The following NFATC4 variants were observed in gnomAD, a reference collection of about 807,000 sequenced individuals.
NFATC4 encodes nuclear factor of activated T cells 4.
NFATC4 carries 25 observed loss-of-function variants against 73.4 expected under a neutral mutation model. The ratio of observed to expected loss-of-function variants is 0.34; its 90% confidence interval spans 0.25 to 0.48. NFATC4 has a LOEUF of 0.48. Among genes scored for constraint, NFATC4 ranks in the 20% least tolerant of loss-of-function variants. The probability of loss-of-function intolerance (pLI) is 0.99; values close to 1 mark genes in which losing one functional copy is unlikely to be tolerated. For synonymous variants in NFATC4, 523 were observed against 510.3 expected, an observed-to-expected ratio of 1.02 and a Z score of -0.34; for missense variants, 1,130 against 1,203.7, an observed-to-expected ratio of 0.94 and a Z score of 0.91.
chr14:24,369,267 G>A (rs756780559), intron 1 of NFATC4: 1 of 1,543,166 alleles, frequency 6.5e-7, no homozygotes, highest in Admixed American at 1.9e-5. Context: ...ACTGGATCGG[G>A]TACCCTCGGT....
chr14:24,375,585 G>A, intron 6 of NFATC4, 75 bp from the exon 7 acceptor site: 1 of 1,509,228 alleles, frequency 6.6e-7, no homozygotes, highest in Non-Finnish European at 9.0e-7. Context: ...CTAACAGGAG[G>A]GGAAATGGCA....
Position 24,376,258 on chromosome 14 carries a change from C to T in NFATC4, c.2057-36C>T, listed in dbSNP as rs1326008922. 6.4e-7 allele frequency: 1 copy of T among 1,558,490 alleles called. No individual in the cohort carries two copies. Among genetic ancestry groups the T allele is most frequent in the Non-Finnish European group, 8.7e-7 (1 of 1,152,008 alleles). On this transcript the variant is annotated intron_variant, in intron 8 of 9. Coordinates refer to ENST00000250373, the MANE Select transcript of NFATC4 (RefSeq NM_004554.5). This position sits in a 1 kb window ranked among gnomAD's most constrained non-coding sequence, Gnocchi z 5.0. ...GTGCAGTGGGGAGACTACCAGACCT[C>T]TCACCAGCATGTCCTCCCACTTCCT...
In NFATC4 at chr14:24,369,561, G is replaced by C. The variant is rs1428728032; in HGVS notation, c.163G>C (p.Gly55Arg). 1 of 1,609,990 alleles carries C rather than the reference G, an allele frequency of 6.2e-7. No homozygotes were observed. Residue 55 changes from glycine to arginine, a missense_variant, in exon 2 of 10, where the codon GGC becomes CGC. Physicochemically the swap from Gly to Arg is moderately radical, Grantham distance 125 (BLOSUM62 -2). This residue lies in a region of NFATC4 where 585 missense variants were observed against 574.3 expected (regional missense o/e 1.02). Transcript: ENST00000250373. ...RLALGEPPPYGAAPIGIPRPP... is the reference protein window; with the variant it reads ...RLALGEPPPYRAAPIGIPRPP... ...GGCCTTGGGAGAGCCCCCTCCCTAT[G>C]GCGCTGCACCTATCGGTATTCCCCG...
Position 24,376,332 on chromosome 14 carries a change from C to A in NFATC4, c.2095C>A (p.Arg699=), listed in dbSNP as rs149129975. 1 of 1,599,038 alleles carries A rather than the reference C, an allele frequency of 6.3e-7. No individual in the cohort carries two copies. Among genetic ancestry groups the A allele is most frequent in the Non-Finnish European group, 8.5e-7 (1 of 1,172,538 alleles). ...GGAGCCCCTACCGGACTCATCTCTGCGGGGTTTCCCTTCAGCATCGGCAAC... is the reference window on the plus strand; with the variant it reads ...GGAGCCCCTACCGGACTCATCTCTGAGGGGTTTCCCTTCAGCATCGGCAAC... The part of the protein sequence containing the change: ...KEEPLPDSSL[R]GFPSASATPF... Residue 699 remains arginine (R), a synonymous_variant, in exon 9 of 10, where the codon CGG becomes AGG. Transcript: ENST00000250373. The surrounding 1 kb of genome is among the most constrained non-coding windows in gnomAD (Gnocchi z 5.0).
At chr14:24,369,354 GCTTTTGT>G (rs775006255) in intron 1 of NFATC4, 138 bp from the exon 2 acceptor site, 1 of 1,599,116 alleles carries the variant, frequency 6.3e-7, no homozygotes, top group South Asian at 1.1e-5. Flanking sequence ...GTCCAACTCT[GCTTTTGT>G]CTTGTGGCTC....
rs2042602724 is a variant in NFATC4, at chr14:24,375,987, C to T, written c.1942C>T (p.Leu648=). The T allele has an allele frequency of 6.2e-7, 1 of 1,613,918 alleles. No individual in the cohort carries two copies. The highest frequency in any genetic ancestry group is 8.5e-7 in the Non-Finnish European group (1 of 1,179,982). The change falls in exon 8 of 10, where the codon CTG becomes TTG. Residue 648 remains leucine (L), a synonymous_variant. Transcript: ENST00000250373. ...TACTCTTCCCTAGGTGACGCTGACC[C>T]TGACTGTCCCCGAGTACAGCAACAA... ...RLQSNEVTLT[L]TVPEYSNKRV...
chr14:24,369,131 G>A, intron 1 of NFATC4: 2 of 1,440,600 alleles, frequency 1.4e-6, no homozygotes, highest in Non-Finnish European at 1.8e-6. Context: ...TGGGGGTTTG[G>A]GAACCGCTGC....
chr14:24,370,087 C>T lies in NFATC4; in HGVS notation c.689C>T (p.Pro230Leu). 6.2e-7 allele frequency: 1 copy of T among 1,604,962 alleles called. No individual in the cohort carries two copies. The highest frequency in any genetic ancestry group is 8.5e-7 in the Non-Finnish European group (1 of 1,179,792). ...CCTCGGCCATGGACCCCCGAAGATC[C>T]CTGGAGCCTGTATGGTCCAAGCCCC... is the stretch of plus-strand genomic sequence containing the variant. ...ASPRPWTPED[P>L]WSLYGPSPGG... is the part of the protein sequence containing the mutation. Residue 230 changes from proline to leucine, a missense_variant, in exon 2 of 10, where the codon CCC (proline) becomes CTC (leucine). This residue lies in a region of NFATC4 where 585 missense variants were observed against 574.3 expected (regional missense o/e 1.02). Transcript: ENST00000250373.
chr14:24,376,133 T>C lies in NFATC4; in HGVS notation c.2056+32T>C. The C allele has an allele frequency of 6.2e-7, 1 of 1,613,528 alleles. No individual in the cohort carries two copies. Among genetic ancestry groups the C allele is most frequent in the Non-Finnish European group, 8.5e-7 (1 of 1,179,728 alleles). On this transcript the variant is annotated intron_variant, in intron 8 of 9. Coordinates refer to ENST00000250373, the MANE Select transcript of NFATC4 (RefSeq NM_004554.5). The surrounding 1 kb of genome is among the most constrained non-coding windows in gnomAD (Gnocchi z 5.0). ...TCTGGGACAGCCCATGGTGGGGGTA[T>C]AGGGATATGGGGAGCTGGAGCAGGA...
chr14:24,369,017 G>C, intron 1 of NFATC4: 1 of 1,267,504 alleles, frequency 7.9e-7, no homozygotes, highest in South Asian at 1.8e-5. Flanking sequence ...CCTAGATGGC[G>C]AGGAGAGAGG....
rs187429426 is a variant in NFATC4 at position 24,376,525 on chromosome 14, G to A, written c.2288G>A (p.Arg763Gln). 1.1e-4 allele frequency: 183 copies of A among 1,613,956 alleles called. No individual in the cohort carries two copies. The highest frequency in any genetic ancestry group is 2.3e-4 in the African/African-American group (17 of 74,980). ...GPPPSYRPGLRMFPETRGTTG... is the reference protein window; with the variant it reads ...GPPPSYRPGLQMFPETRGTTG... Reference sequence around the variant, plus strand: ...CCACCATCCTACAGACCGGGCCTGCGGATGTTCCCTGAGACTAGGGGTACC... The same window carrying A: ...CCACCATCCTACAGACCGGGCCTGCAGATGTTCCCTGAGACTAGGGGTACC... Residue 763 changes from arginine to glutamine, a missense_variant, in exon 9 of 10, where the codon CGG (arginine) becomes CAG (glutamine). Arg to Gln is a conservative substitution (Grantham distance 43, BLOSUM62 1). Coordinates refer to ENST00000250373, the MANE Select transcript of NFATC4 (RefSeq NM_004554.5). This position sits in a 1 kb window ranked among gnomAD's most constrained non-coding sequence, Gnocchi z 5.0.
chr14:24,376,488 C>G lies in NFATC4; in HGVS notation c.2251C>G (p.Gln751Glu), dbSNP rs374429320. 2.5e-6 allele frequency: 4 copies of G among 1,613,578 alleles called. No homozygotes were observed. The African/African-American group carries it at 5.3e-5, about 22-fold the overall frequency. ...CTATGGCATGCCCCCTCTGTACCCC[C>G]AGACGGGGCCCCCACCATCCTACAG... ...FGYGMPPLYP[Q>E]TGPPPSYRPG... is the part of the protein sequence containing the mutation. The change falls in exon 9 of 10, where the codon CAG becomes GAG. Residue 751 changes from glutamine (Q) to glutamate (E), a missense_variant. Physicochemically the swap from Gln to Glu is conservative, Grantham distance 29. Around this residue, in one of 3 missense-constraint regions of NFATC4, gnomAD observed 390 missense variants for 408.1 expected, o/e 0.96. Transcript: ENST00000250373. The surrounding 1 kb of genome is among the most constrained non-coding windows in gnomAD (Gnocchi z 5.0).
At position 24,373,843 on chromosome 14, in the gene NFATC4, G is replaced by A. The variant is rs748202233; in HGVS notation, c.1708G>A (p.Ala570Thr). The A allele has an allele frequency of 3.1e-6, 5 of 1,614,078 alleles. No homozygotes were observed. The Admixed American group carries it at 8.3e-5, about 27-fold the overall frequency. The stretch of plus-strand genomic sequence containing the variant: ...CGGCGGGAAGGTCGTCTCAGTACAG[G>A]CAGCATCGGTGCCCATCGAGTGCTG... ...QGGGKVVSVQ[A>T]ASVPIECSQR... The change falls in exon 5 of 10, where the codon GCA becomes ACA. Residue 570 changes from alanine (A) to threonine (T), a missense_variant. Ala to Thr is a moderately conservative substitution (Grantham distance 58). This residue lies in a region of NFATC4 where 155 missense variants were observed against 221.2 expected (regional missense o/e 0.70). Coordinates refer to ENST00000250373, the MANE Select transcript of NFATC4 (RefSeq NM_004554.5). The surrounding 1 kb of genome is among the most constrained non-coding windows in gnomAD (Gnocchi z 4.7).
In NFATC4 at chr14:24,369,818, C is replaced by T. The variant is rs371301060; in HGVS notation, c.420C>T (p.Asp140=). ...ALEDNPDAWG[D]GSPRDYPPPE... ...AGGACAACCCTGATGCCTGGGGGGA[C>T]GGCTCTCCTAGAGATTACCCCCCAC... The change falls in exon 2 of 10, where the codon GAC becomes GAT. Residue 140 remains aspartate, a synonymous_variant. Coordinates refer to ENST00000250373, the MANE Select transcript of NFATC4 (RefSeq NM_004554.5). 3.1e-5 allele frequency: 49 copies of T among 1,599,176 alleles called. No individual in the cohort carries two copies. In the African/African-American group the frequency reaches 5.5e-4, roughly 18 times the overall value.
Position 24,376,057 on chromosome 14 carries a change from G to C in NFATC4, c.2012G>C (p.Gly671Ala). 6.2e-7 allele frequency: 1 copy of C among 1,614,034 alleles called. No homozygotes were observed. The highest frequency in any genetic ancestry group is 1.3e-5 in the African/African-American group (1 of 75,002). The change falls in exon 8 of 10, where the codon GGG (glycine) becomes GCG (alanine). Residue 671 changes from glycine (G) to alanine (A), a missense_variant. Around this residue, in one of 3 missense-constraint regions of NFATC4, gnomAD observed 390 missense variants for 408.1 expected, o/e 0.96. Coordinates refer to ENST00000250373, the MANE Select transcript of NFATC4 (RefSeq NM_004554.5). This position sits in a 1 kb window ranked among gnomAD's most constrained non-coding sequence, Gnocchi z 5.0. ...CAGGTCTACTTTTATGTCTCCAATG[G>C]GCGGAGGAAACGCAGTCCTACCCAG... ...PVQVYFYVSN[G>A]RRKRSPTQSF...
chr14:24,372,558 C>A lies in NFATC4; in HGVS notation c.1314C>A (p.Ser438Arg). 6.2e-7 allele frequency: 1 copy of A among 1,614,108 alleles called. No individual in the cohort carries two copies. Among genetic ancestry groups the A allele is most frequent in the Non-Finnish European group, 8.5e-7 (1 of 1,180,042 alleles). The change falls in exon 3 of 10, where the codon AGC becomes AGA. Residue 438 changes from serine to arginine, a missense_variant. Around this residue, in one of 3 missense-constraint regions of NFATC4, gnomAD observed 155 missense variants for 221.2 expected, o/e 0.70. Coordinates refer to ENST00000250373, the MANE Select transcript of NFATC4 (RefSeq NM_004554.5). ...GGGCCCACTATGAGACAGAAGGCAGCCGTGGAGCTGTCAAAGCTGCCCCTG... is the reference window on the plus strand; with the variant it reads ...GGGCCCACTATGAGACAGAAGGCAGACGTGGAGCTGTCAAAGCTGCCCCTG... ...HHRAHYETEG[S>R]RGAVKAAPGG...
At position 24,379,176 on chromosome 14, in the gene NFATC4, C is replaced by A. The variant is rs56040408; in HGVS notation, c.*1471C>A. 2,130 of 152,446 alleles carry A rather than the reference C, an allele frequency of 0.014. 27 individuals carry two copies. Among genetic ancestry groups the A allele is most frequent in the Middle Eastern group, 0.048 (14 of 294 alleles). The allele number at this position is 152,446 out of a possible 1,614,324, so 9.4% of individuals were successfully genotyped here. A position where few individuals can be genotyped will look rare whatever the true frequency, so the allele number is the denominator to read the frequency against. ...CAACAGAACCAGAGTAACTCCTCGC[C>A]TGTTGCTGCTTTGCAATGAATTTCC... On this transcript the variant is annotated 3_prime_UTR_variant, in exon 10 of 10. Transcript: ENST00000250373.
In NFATC4 at chr14:24,376,462, G is replaced by A. The variant is rs1330731388; in HGVS notation, c.2225G>A (p.Gly742Asp). The A allele has an allele frequency of 6.2e-7, 1 of 1,613,722 alleles. No homozygotes were observed. The highest frequency in any genetic ancestry group is 1.7e-5 in the Admixed American group (1 of 59,966). Residue 742 changes from glycine (G) to aspartate (D), a missense_variant, in exon 9 of 10, where the codon GGC becomes GAC. Coordinates refer to ENST00000250373, the MANE Select transcript of NFATC4 (RefSeq NM_004554.5). This position sits in a 1 kb window ranked among gnomAD's most constrained non-coding sequence, Gnocchi z 5.0. ...ACTCCTTACCTATCAGAAGGCTTCG[G>A]CTATGGCATGCCCCCTCTGTACCCC... ...CETPYLSEGF[G>D]YGMPPLYPQT...
chr14:24,378,656 T>C lies in NFATC4; in HGVS notation c.*951T>C, dbSNP rs1453657747. On this transcript the variant is annotated 3_prime_UTR_variant, in exon 10 of 10. Coordinates refer to ENST00000250373, the MANE Select transcript of NFATC4 (RefSeq NM_004554.5). ...CCTCCACTCCTGGGGATTATGAAGATATTCTGGAAAGATTTGTGCTTCAGA... is the reference window on the plus strand; with the variant it reads ...CCTCCACTCCTGGGGATTATGAAGACATTCTGGAAAGATTTGTGCTTCAGA... 1 of 152,286 alleles carries C rather than the reference T, an allele frequency of 6.6e-6. No individual in the cohort carries two copies. Among genetic ancestry groups the C allele is most frequent in the Non-Finnish European group, 1.5e-5 (1 of 68,058 alleles). The allele number at this position is 152,286 out of a possible 1,614,324, so 9.4% of individuals were successfully genotyped here.
Sources: gnomAD v4.1 joint callset for allele counts on GRCh38, gnomAD v4.1.1 for gene constraint, gnomAD v4.1.1 regional missense constraint, Gnocchi (gnomAD v3.1) non-coding constraint, MANE v1.5 for transcripts, NCBI Gene and HGNC (gene_info 2026-07-23, HGNC 2026-07-21) for gene names.